The following C1orf94 variants were observed in gnomAD, a reference collection of about 807,000 sequenced individuals.
C1orf94 encodes the protein uncharacterized protein C1orf94.
In C1orf94, 45 loss-of-function variants were observed where a neutral mutation model predicts 53.6. The observed-to-expected ratio is 0.84, with a 90% CI of 0.66 to 1.08. The LOEUF (loss-of-function observed/expected upper bound fraction) is 1.08. Ranked by LOEUF, C1orf94 falls within the 50% of genes least tolerant of loss-of-function variation. The pLI is 0.00. For missense variants in C1orf94, 762 were observed against 738.9 expected, an observed-to-expected ratio of 1.03 and a Z score of -0.36; for synonymous variants, 304 against 296.1, an observed-to-expected ratio of 1.03 and a Z score of -0.27.
intron 1 of C1orf94, among the ~76,000 whole-genome samples, chr1:34,189,948 T>C: frequency 6.6e-6 from 1 of 152,132 alleles, no homozygotes; most frequent in East Asian, 1.9e-4. Flanking sequence ...CCTTGCTCTT[T>C]CTCCTTCTTC....
At chr1:34,173,441 T>C (rs1468383619), upstream of C1orf94, among the ~76,000 whole-genome samples, 1 of 151,998 alleles carries the variant, frequency 6.6e-6, no homozygotes, top group Non-Finnish European at 1.5e-5. Context: ...CGTTTCTGAG[T>C]TTTCCAGCCT....
At chr1:34,192,544 T>C (rs1677751) in intron 1 of C1orf94, among the ~76,000 whole-genome samples, 20,190 of 152,188 alleles carry the variant, frequency 0.13, 1,902 homozygotes, top group African/African-American at 0.27. Context: ...TGGAGTTATG[T>C]GCCAAACACT....
chr1:34,207,242 C>A (rs1642811182), intron 4 of C1orf94, among the ~76,000 whole-genome samples: 1 of 150,180 alleles, frequency 6.7e-6, no homozygotes, highest in South Asian at 2.1e-4. Context: ...CTGACCACTG[C>A]CACAGCAGCA....
chr1:34,209,680 G>A (rs376732342), intron 5 of C1orf94, among the ~76,000 whole-genome samples: 1 of 152,144 alleles, frequency 6.6e-6, no homozygotes, highest in African/African-American at 2.4e-5. Context: ...CAGGGGTAGG[G>A]AGCCTTGTTA....
At chr1:34,196,344 G>A (rs1457864366) in intron 1 of C1orf94, among the ~76,000 whole-genome samples, 1 of 152,210 alleles carries the variant, frequency 6.6e-6, no homozygotes, top group Non-Finnish European at 1.5e-5. Flanking sequence ...GGCAGGTTGA[G>A]GCCATTATTT....
intron 6 of C1orf94, among the ~76,000 whole-genome samples, chr1:34,216,110 T>C (rs1489952713): frequency 6.6e-6 from 1 of 152,102 alleles, no homozygotes; most frequent in Non-Finnish European, 1.5e-5. Context: ...GTCTTAGACA[T>C]GTGAAAATTG....
At position 34,202,180 on chromosome 1, in the gene C1orf94, T is replaced by C; in HGVS notation, c.1367T>C (p.Leu456Pro). 1.2e-6 allele frequency: 2 copies of C among 1,614,222 alleles called. No homozygotes were observed. Among genetic ancestry groups the C allele is most frequent in the Non-Finnish European group, 1.7e-6 (2 of 1,180,024 alleles). ...HFPTAMTSAT[L>P]NQPLWLNLNY... ...CCTACAGCCATGACCTCAGCAACCC[T>C]GAACCAGCCACTCTGGCTCAACCTG... The change falls in exon 4 of 7, where the codon CTG (leucine) becomes CCG (proline). Residue 456 changes from leucine (L) to proline (P), a missense_variant. Leu to Pro is a moderately conservative substitution (Grantham distance 98). Transcript: ENST00000488417.
intron 3 of C1orf94, among the ~76,000 whole-genome samples, 179 bp from the exon 4 acceptor site, chr1:34,201,905 G>A (rs568182823): frequency 2.6e-5 from 4 of 152,328 alleles, no homozygotes; most frequent in Admixed American, 1.3e-4. Context: ...CTGGCAAGGT[G>A]TGAACTAATG....
chr1:34,204,073 A>G (rs1221914523), intron 4 of C1orf94, among the ~76,000 whole-genome samples: 3 of 152,248 alleles, frequency 2.0e-5, no homozygotes, highest in Non-Finnish European at 2.9e-5. Flanking sequence ...GGCCCAGCAC[A>G]GCCTGAAGTG....
intron 6 of C1orf94, among the ~76,000 whole-genome samples, chr1:34,213,828 A>T (rs1404108540): frequency 6.6e-6 from 1 of 152,086 alleles, no homozygotes; most frequent in Non-Finnish European, 1.5e-5. Flanking sequence ...GCCATGAGCC[A>T]CCGTGCCCAG....
intron 5 of C1orf94, among the ~76,000 whole-genome samples, chr1:34,211,632 A>T (rs1168662364): frequency 2.0e-5 from 3 of 152,166 alleles, no homozygotes; most frequent in Non-Finnish European, 4.4e-5. Flanking sequence ...CCCATGAGCC[A>T]CATTTCAAAT....
Position 34,218,841 on chromosome 1 carries a change from G to C in C1orf94, c.*80G>C. ...GATTTTTGGATTCTGCAAAAGCTTGGTATGAAGTTTGGAAAAGCAAGGTTC... is the reference window on the plus strand; with the variant it reads ...GATTTTTGGATTCTGCAAAAGCTTGCTATGAAGTTTGGAAAAGCAAGGTTC... On this transcript the variant is annotated 3_prime_UTR_variant, in exon 7 of 7. Coordinates refer to ENST00000488417, the MANE Select transcript of C1orf94 (RefSeq NM_001134734.2). 7.4e-7 allele frequency: 1 copy of C among 1,355,692 alleles called. No homozygotes were observed. The allele number at this position is 1,355,692 out of a possible 1,614,324, so 84.0% of individuals were successfully genotyped here.
intron 6 of C1orf94, among the ~76,000 whole-genome samples, chr1:34,215,638 G>A (rs777649546): frequency 7.2e-5 from 11 of 152,146 alleles, no homozygotes; most frequent in Non-Finnish European, 1.3e-4. Flanking sequence ...AATGTGTGAT[G>A]AGGGAAAGGG....
chr1:34,202,042 G>C (rs1192982912), intron 3 of C1orf94, 42 bp from the exon 4 acceptor site: 14 of 1,597,598 alleles, frequency 8.8e-6, no homozygotes, highest in Non-Finnish European at 1.2e-5. Context: ...GCCTCTCCCT[G>C]CCTCCATCAC....
chr1:34,195,797 TG>T (rs1642569763), intron 1 of C1orf94, among the ~76,000 whole-genome samples: 1 of 151,982 alleles, frequency 6.6e-6, no homozygotes, highest in African/African-American at 2.4e-5. Flanking sequence ...TGTGTGTGTG[TG>T]TGTGTGTGTG....
Position 34,210,805 on chromosome 1 carries a change from C to T in C1orf94, c.1525-1405C>T, listed in dbSNP as rs147152476. On this transcript the variant is annotated intron_variant, in intron 5 of 6. Coordinates refer to ENST00000488417, the MANE Select transcript of C1orf94 (RefSeq NM_001134734.2). ...GAGTAGCTGGGACTACAGGCATGTA[C>T]CACCACGCCTGACTAATTGTTGTAT... Among the ~76,000 whole-genome samples the T allele has an allele frequency of 5.0e-3, 763 of 152,202 alleles. 5 individuals carry two copies. Among genetic ancestry groups the T allele is most frequent in the African/African-American group, 0.017 (723 of 41,528 alleles).
chr1:34,177,716 A>C lies in C1orf94; in HGVS notation c.-74A>C. 1.4e-6 allele frequency: 2 copies of C among 1,385,978 alleles called. No individual in the cohort carries two copies. The highest frequency in any genetic ancestry group is 3.0e-5 in the South Asian group (2 of 67,516). 85.9% of individuals were successfully genotyped at this position (1,385,978 alleles called of 1,614,324 possible). A position where few individuals can be genotyped will look rare whatever the true frequency, so the allele number is the denominator to read the frequency against. Reference sequence around the variant, plus strand: ...AAATAGAAGGCCTCTGAACCTAACCACCTTGCTGGAGCGAAAGCCAGACAG... The same window carrying C: ...AAATAGAAGGCCTCTGAACCTAACCCCCTTGCTGGAGCGAAAGCCAGACAG... On this transcript the variant is annotated 5_prime_UTR_variant, in exon 1 of 7. Transcript: ENST00000488417.
intron 1 of C1orf94, 148 bp downstream of exon 1, chr1:34,178,257 A>G (rs1479362691): frequency 5.6e-6 from 5 of 898,930 alleles, no homozygotes; most frequent in East Asian, 2.7e-5. Flanking sequence ...TCCAAGCTTT[A>G]TAGAAGAGCT....
At chr1:34,195,779 G>GGT (rs67390104) in intron 1 of C1orf94, among the ~76,000 whole-genome samples, 5,488 of 145,154 alleles carry the variant, frequency 0.038, 120 homozygotes, top group Non-Finnish European at 0.045. Flanking sequence ...TCTGTTCGTG[G>GGT]GTGTGTGTGT....
Sources: gnomAD v4.1 joint callset for allele counts (sites outside exome capture counted in the v4.1 genomes callset) on GRCh38, gnomAD v4.1.1 for gene constraint, MANE v1.5 for transcripts, NCBI Gene and HGNC (gene_info 2026-07-23, HGNC 2026-07-21) for gene names.